Variants in GRIN2A observed in about 807,000 individuals in gnomAD.
GRIN2A encodes glutamate receptor ionotropic, NMDA 2A.
A neutral mutation model predicts 113.4 loss-of-function variants in GRIN2A; 22 were observed. That is an observed-to-expected ratio of 0.19 (90% CI 0.14 to 0.28). The LOEUF (loss-of-function observed/expected upper bound fraction) is 0.28, where lower values mean the gene tolerates loss of function less well. Among genes scored for constraint, GRIN2A ranks in the 10% least tolerant of loss-of-function variants. GRIN2A has a pLI of 1.00. For synonymous variants in GRIN2A, 827 were observed against 738.4 expected (o/e 1.12, Z -1.94); for missense variants, 1,502 against 1,887.0 (o/e 0.80, Z 3.78).
intron 8 of GRIN2A, among the ~76,000 whole-genome samples, chr16:9,830,247 A>G (rs1198834328): frequency 6.6e-6 from 1 of 152,260 alleles, no homozygotes; most frequent in African/African-American, 2.4e-5. Context: ...AACACTTCAC[A>G]GATGGAAGAC....
intron 10 of GRIN2A, among the ~76,000 whole-genome samples, chr16:9,800,845 G>A (rs1170649144): frequency 6.6e-6 from 1 of 152,172 alleles, no homozygotes; most frequent in African/African-American, 2.4e-5. Context: ...ATGACAGCAA[G>A]TCAAGAGGAA....
intron 11 of GRIN2A, among the ~76,000 whole-genome samples, chr16:9,796,002 T>A (rs1902960283): frequency 6.6e-6 from 1 of 152,196 alleles, no homozygotes; most frequent in Non-Finnish European, 1.5e-5. Flanking sequence ...CCCTCTGAGA[T>A]TCAATTTCCT....
chr16:10,131,158 A>G (rs1421148403), intron 2 of GRIN2A, among the ~76,000 whole-genome samples: 1 of 152,190 alleles, frequency 6.6e-6, no homozygotes, highest in Non-Finnish European at 1.5e-5. Context: ...GGCTTCTGAA[A>G]ACACTTATTG....
chr16:10,009,773 T>A (rs2141864441), intron 2 of GRIN2A, among the ~76,000 whole-genome samples: 1 of 151,378 alleles, frequency 6.6e-6, no homozygotes, highest in Admixed American at 6.6e-5. Context: ...AACCTGCCAA[T>A]CTGGTCTTTC....
Position 9,754,278 on chromosome 16 carries a change from T to A in GRIN2A, c.*8871A>T, listed in dbSNP as rs1262327848. 5.0e-6 allele frequency: 1 copy of A among 201,012 alleles called. No homozygotes were observed. Among genetic ancestry groups the A allele is most frequent in the African/African-American group, 2.3e-5 (1 of 43,588 alleles). The allele number at this position is 201,012 out of a possible 1,614,324, so 12.5% of individuals were successfully genotyped here. A position where few individuals can be genotyped will look rare whatever the true frequency, so the allele number is the denominator to read the frequency against. Reference sequence around the variant, plus strand: ...GTTTTGGCAGGGGAATGAACAAGATTAAGATTCATAGTTAAAAACAACTGG... The same window carrying A: ...GTTTTGGCAGGGGAATGAACAAGATAAAGATTCATAGTTAAAAACAACTGG... On this transcript the variant is annotated 3_prime_UTR_variant, in exon 13 of 13. Transcript: ENST00000330684.
chr16:9,948,291 G>A (rs1291962847), intron 2 of GRIN2A, among the ~76,000 whole-genome samples: 1 of 152,170 alleles, frequency 6.6e-6, no homozygotes, highest in Non-Finnish European at 1.5e-5. Flanking sequence ...CTTAGAGAGA[G>A]GCAGTTCTCA....
chr16:9,989,520 CA>C (rs573606558), intron 2 of GRIN2A, among the ~76,000 whole-genome samples: 44 of 150,438 alleles, frequency 2.9e-4, no homozygotes, highest in African/African-American at 9.7e-4. Flanking sequence ...GCAAATGCAA[CA>C]AAAAAAAATT....
intron 8 of GRIN2A, among the ~76,000 whole-genome samples, chr16:9,832,745 G>C (rs1301256644): frequency 1.3e-5 from 2 of 152,126 alleles, no homozygotes; most frequent in Admixed American, 6.5e-5. Flanking sequence ...CACCCTGTTG[G>C]AAATCTTCTT....
intron 11 of GRIN2A, among the ~76,000 whole-genome samples, chr16:9,778,500 G>C (rs1901743647): frequency 6.6e-6 from 1 of 152,140 alleles, no homozygotes; most frequent in Non-Finnish European, 1.5e-5. Context: ...ATATCACAAA[G>C]GAGTTCTTGT....
At chr16:10,114,462 G>T (rs142480084) in intron 2 of GRIN2A, among the ~76,000 whole-genome samples, 11 of 152,140 alleles carry the variant, frequency 7.2e-5, no homozygotes, top group Non-Finnish European at 1.3e-4. Flanking sequence ...TAGGCCAGTC[G>T]CCCACAGAAG....
chr16:9,798,201 G>T, intron 11 of GRIN2A, 76 bp downstream of exon 11: 1 of 1,181,002 alleles, frequency 8.5e-7, no homozygotes, highest in Non-Finnish European at 1.3e-6. Context: ...AAGATCCACT[G>T]GGAAGCCCAG....
At chr16:9,950,561 C>A (rs1281272399) in intron 2 of GRIN2A, among the ~76,000 whole-genome samples, 1 of 152,174 alleles carries the variant, frequency 6.6e-6, no homozygotes, top group Non-Finnish European at 1.5e-5. Flanking sequence ...CAGAGCCCTA[C>A]AACTTGAATA....
At position 9,940,419 on chromosome 16, in the gene GRIN2A, T is replaced by A. The variant is rs11074504; in HGVS notation, c.415-1868A>T. 9.2e-5 allele frequency among the ~76,000 whole-genome samples: 14 copies of A among 152,100 alleles called. 1 individual carries two copies. The highest frequency in any genetic ancestry group is 4.1e-4 in the South Asian group (2 of 4,820). On this transcript the variant is annotated intron_variant, in intron 2 of 12. Transcript: ENST00000330684. Reference sequence around the variant, plus strand: ...GACTTTGGATAATTATTGTTTTCCCTACAGTAGCTTTTGCAGAAATCTAAT... The same window carrying A: ...GACTTTGGATAATTATTGTTTTCCCAACAGTAGCTTTTGCAGAAATCTAAT...
intron 2 of GRIN2A, among the ~76,000 whole-genome samples, chr16:10,047,135 T>G (rs2047274602): frequency 6.6e-6 from 1 of 152,216 alleles, no homozygotes; most frequent in Non-Finnish European, 1.5e-5. Context: ...TGAAAACCAT[T>G]GGTGTACACC....
chr16:10,053,133 C>G (rs143499969), intron 2 of GRIN2A, among the ~76,000 whole-genome samples: 1 of 152,038 alleles, frequency 6.6e-6, no homozygotes, highest in African/African-American at 2.4e-5. Context: ...AATTCTGCCA[C>G]TGTTCAGGGC....
chr16:10,178,877 CAAG>C, intron 2 of GRIN2A, among the ~76,000 whole-genome samples: 1 of 152,342 alleles, frequency 6.6e-6, no homozygotes, highest in East Asian at 1.9e-4. Flanking sequence ...GAACACTCTC[CAAG>C]AAGGTCTCAG....
intron 2 of GRIN2A, among the ~76,000 whole-genome samples, chr16:10,093,311 G>A (rs2048221381): frequency 6.6e-6 from 1 of 152,136 alleles, no homozygotes; most frequent in African/African-American, 2.4e-5. Context: ...GCTCCAAAAG[G>A]AGCAGCCTCT....
intron 2 of GRIN2A, among the ~76,000 whole-genome samples, chr16:9,956,758 C>T (rs1256722596): frequency 6.6e-6 from 1 of 152,088 alleles, no homozygotes; most frequent in African/African-American, 2.4e-5. Flanking sequence ...GGAAACAGAA[C>T]AATTTAGATG....
chr16:9,979,668 C>T (rs1217435531), intron 2 of GRIN2A, among the ~76,000 whole-genome samples: 3 of 151,860 alleles, frequency 2.0e-5, no homozygotes, highest in Non-Finnish European at 4.4e-5. Context: ...AAGACTGTAT[C>T]CTCATTCTCT....
Sources: allele counts gnomAD v4.1 joint callset (sites outside exome capture counted in the v4.1 genomes callset), GRCh38; gene constraint gnomAD v4.1.1; transcripts MANE v1.5; gene names NCBI Gene and HGNC (gene_info 2026-07-23, HGNC 2026-07-21).